MYO5B: variants seen among roughly 807,000 people sequenced by gnomAD.
MYO5B encodes unconventional myosin-Vb.
Under a neutral mutation model 229.3 loss-of-function variants are expected in MYO5B, and 143 were observed. The ratio of observed to expected loss-of-function variants is 0.62; its 90% CI spans 0.54 to 0.72. The LOEUF (loss-of-function observed/expected upper bound fraction) is 0.72, where lower values mean the gene tolerates loss of function less well. MYO5B is among the 30% of genes least tolerant of loss of function. MYO5B has a pLI of 0.00. For missense variants in MYO5B, 2,321 were observed against 2,331.0 expected (o/e 1.00, Z 0.09); for synonymous variants, 918 against 885.2 (o/e 1.04, Z -0.66).
chr18:50,172,888 G>C (rs2032939143), intron 1 of MYO5B, among the ~76,000 whole-genome samples: 1 of 152,246 alleles, frequency 6.6e-6, no homozygotes, highest in Non-Finnish European at 1.5e-5. Context: ...CCAGTGCAAA[G>C]ACTGGGAAAG....
chr18:50,155,400 T>G (rs1178873541), intron 1 of MYO5B, among the ~76,000 whole-genome samples: 1 of 152,218 alleles, frequency 6.6e-6, no homozygotes, highest in Non-Finnish European at 1.5e-5. Flanking sequence ...CTACAAATGG[T>G]ATTTAACCAG....
rs2025568805 is a variant in MYO5B at position 49,962,320 on chromosome 18, G to A, written c.1491C>T (p.Ile497=). 3.1e-6 allele frequency: 5 copies of A among 1,614,164 alleles called. No individual in the cohort carries two copies. Among genetic ancestry groups the A allele is most frequent in the Admixed American group, 1.7e-5 (1 of 60,028 alleles). Residue 497 remains isoleucine, a synonymous_variant, in exon 12 of 40, where the codon ATC becomes ATT. Transcript: ENST00000285039. ...LIDFYDNQPC[I]DLIEAKLGIL... is the part of the protein sequence containing the mutation. ...TACCCAGCTTGGCTTCAATGAGGTC[G>A]ATACAAGGTTGGTTATCATAAAAAT... is the stretch of plus-strand genomic sequence containing the variant.
rs561247323 is a variant in MYO5B at position 50,067,295 on chromosome 18, C to T, written c.28-11917G>A. The stretch of plus-strand genomic sequence containing the variant: ...TAAATGGGAAGATCGGTTATATTTC[C>T]TGTTCTATCTGTACATGGGAGCTAT... On this transcript the variant is annotated intron_variant, in intron 1 of 39. Coordinates refer to ENST00000285039, the MANE Select transcript of MYO5B (RefSeq NM_001080467.3). Among the ~76,000 whole-genome samples, 8 of 152,242 alleles carry T rather than the reference C, an allele frequency of 5.3e-5. No homozygotes were observed. The South Asian group carries it at 1.7e-3, about 32-fold the overall frequency.
intron 2 of MYO5B, among the ~76,000 whole-genome samples, chr18:50,043,613 T>C (rs1317383153): frequency 2.3e-5 from 3 of 132,038 alleles, no homozygotes; most frequent in Non-Finnish European, 4.6e-5. Context: ...AATATATAAA[T>C]ATATATAAAT....
intron 1 of MYO5B, among the ~76,000 whole-genome samples, chr18:50,166,357 T>C (rs1181315733): frequency 6.6e-6 from 1 of 152,232 alleles, no homozygotes; most frequent in African/African-American, 2.4e-5. Context: ...TTTTTGGGTA[T>C]GGCCATGCTT....
At chr18:49,999,541 G>T (rs1191306866) in intron 5 of MYO5B, among the ~76,000 whole-genome samples, 2 of 152,222 alleles carry the variant, frequency 1.3e-5, no homozygotes, top group East Asian at 3.8e-4. Flanking sequence ...ATAAAAAGTT[G>T]AATGATATGG....
intron 1 of MYO5B, among the ~76,000 whole-genome samples, chr18:50,147,823 A>G (rs1161307023): frequency 6.6e-6 from 1 of 152,182 alleles, no homozygotes; most frequent in African/African-American, 2.4e-5. Flanking sequence ...AAGGAGCTCA[A>G]TAAGCAACTA....
At chr18:50,011,320 C>T (rs112335594) in intron 4 of MYO5B, among the ~76,000 whole-genome samples, 10,075 of 152,106 alleles carry the variant, frequency 0.066, 514 homozygotes, top group African/African-American at 0.14. Context: ...CCAGCCTGGG[C>T]GACAGATCGT....
chr18:49,954,297 C>A lies in MYO5B; in HGVS notation c.1668+16G>T, dbSNP rs574753959. On this transcript the variant is annotated intron_variant, in intron 13 of 39. Coordinates refer to ENST00000285039, the MANE Select transcript of MYO5B (RefSeq NM_001080467.3). ...GGGGCCAAGGGAATACCCGAGCCAA[C>A]AGAGAGGAGAGCCACCTTGTCTGCA... 3 of 1,613,648 alleles carry A rather than the reference C, an allele frequency of 1.9e-6. No homozygotes were observed. The highest frequency in any genetic ancestry group is 2.2e-5 in the East Asian group (1 of 44,848).
intron 1 of MYO5B, among the ~76,000 whole-genome samples, chr18:50,171,420 C>T (rs1372119780): frequency 7.9e-6 from 1 of 126,504 alleles, no homozygotes; most frequent in Non-Finnish European, 1.7e-5. Context: ...ACCTTGGTCT[C>T]GAGAGAGACC....
intron 1 of MYO5B, among the ~76,000 whole-genome samples, chr18:50,131,151 A>C (rs1599043948): frequency 6.6e-6 from 1 of 152,230 alleles, no homozygotes; most frequent in Non-Finnish European, 1.5e-5. Context: ...AAAGCCCTAT[A>C]CTAGCTAATA....
At chr18:50,047,275 T>C (rs1224046818) in intron 2 of MYO5B, among the ~76,000 whole-genome samples, 3 of 151,978 alleles carry the variant, frequency 2.0e-5, no homozygotes, top group African/African-American at 7.3e-5. Flanking sequence ...AAAAAGTGGG[T>C]GAAGGATATG....
rs565321451 is a variant in MYO5B, at chr18:50,160,647, TG to T, written c.27+34119del. Among the ~76,000 whole-genome samples the T allele has an allele frequency of 6.1e-4, 92 of 152,052 alleles. 1 individual carries two copies. The highest frequency in any genetic ancestry group is 2.1e-3 in the African/African-American group (88 of 41,470). ...GCAATGAGAGGGTCGGGGGGTGGCTTGGGGGGCCACTCTGGGTCACCTGAAA... is the reference window on the plus strand; with the variant it reads ...GCAATGAGAGGGTCGGGGGGTGGCTTGGGGGCCACTCTGGGTCACCTGAAA... On this transcript the variant is annotated intron_variant, in intron 1 of 39. Coordinates refer to ENST00000285039, the MANE Select transcript of MYO5B (RefSeq NM_001080467.3).
At chr18:49,864,013 G>T in intron 28 of MYO5B, 128 bp downstream of exon 28, 2 of 1,395,088 alleles carry the variant, frequency 1.4e-6, no homozygotes, top group South Asian at 1.3e-5. Flanking sequence ...TTTTGGAGGA[G>T]ACCCCACAGC....
chr18:50,144,964 G>A (rs891039454), intron 1 of MYO5B, among the ~76,000 whole-genome samples: 1 of 152,078 alleles, frequency 6.6e-6, no homozygotes, highest in Non-Finnish European at 1.5e-5. Flanking sequence ...AGAGTGTTGG[G>A]GACACTCAGG....
At chr18:49,843,998 C>T (rs1301227275) in intron 33 of MYO5B, among the ~76,000 whole-genome samples, 4 of 152,238 alleles carry the variant, frequency 2.6e-5, no homozygotes, top group Non-Finnish European at 5.9e-5. Context: ...TTCCCCACCC[C>T]GGTGCTGCTG....
In MYO5B at chr18:50,189,207, G is replaced by T. The variant is rs12455801; in HGVS notation, c.27+5560C>A. Among the ~76,000 whole-genome samples, 5 of 152,266 alleles carry T rather than the reference G, an allele frequency of 3.3e-5. No homozygotes were observed. In the South Asian group the frequency reaches 1.0e-3, roughly 32 times the overall value. On this transcript the variant is annotated intron_variant, in intron 1 of 39. Transcript: ENST00000285039. ...GAGTTATGGTTAACTTGGGCTCCTA[G>T]AATCTGATCCTGAGACAAGGATTCC... is the stretch of plus-strand genomic sequence containing the variant.
In MYO5B at chr18:50,144,538, A is replaced by G. The variant is rs537410426; in HGVS notation, c.27+50229T>C. Among the ~76,000 whole-genome samples, 34 of 152,290 alleles carry G rather than the reference A, an allele frequency of 2.2e-4. 1 individual carries two copies. The South Asian group carries it at 7.1e-3, about 32-fold the overall frequency. On this transcript the variant is annotated intron_variant, in intron 1 of 39. Transcript: ENST00000285039. ...AAACAGGACTTCAGTGGAAAATATA[A>G]CTGAGGTTCTGGAAGATGCTCTCCA...
At chr18:50,102,649 C>G (rs771941805) in intron 1 of MYO5B, among the ~76,000 whole-genome samples, 4 of 152,072 alleles carry the variant, frequency 2.6e-5, no homozygotes, top group Non-Finnish European at 5.9e-5. Context: ...GAACCTGGCT[C>G]TGGAGTATAG....
Sources: allele counts gnomAD v4.1 joint callset (sites outside exome capture counted in the v4.1 genomes callset), GRCh38; gene constraint gnomAD v4.1.1; transcripts MANE v1.5; gene names NCBI Gene and HGNC (gene_info 2026-07-23, HGNC 2026-07-21).